Variants in GALNT13 observed in about 807,000 individuals in gnomAD.
The protein encoded by GALNT13 is polypeptide N-acetylgalactosaminyltransferase 13, also known as UDP-GalNAc:polypeptide N-acetylgalactosaminyltransferase 13.
A neutral mutation model predicts 64.2 loss-of-function variants in GALNT13; 28 were observed. That is an observed-to-expected ratio of 0.44 (90% CI 0.32 to 0.60). GALNT13 has a LOEUF of 0.60. Among genes scored for constraint, GALNT13 ranks in the 20% least tolerant of loss-of-function variants. The probability of loss-of-function intolerance (pLI) is 0.05; values close to 1 mark genes in which losing one functional copy is unlikely to be tolerated. For synonymous variants in GALNT13, 214 were observed against 224.6 expected (o/e 0.95, Z 0.42); for missense variants, 577 against 669.8 (o/e 0.86, Z 1.53).
the GALNT13 span, among the ~76,000 whole-genome samples, chr2:153,514,895 C>A: frequency 6.6e-6 from 1 of 152,134 alleles, no homozygotes; most frequent in Non-Finnish European, 1.5e-5. Context: ...GTGGGAAGAG[C>A]ATACAGACAG....
chr2:153,894,410 AG>A (rs537164781), intron 1 of GALNT13, among the ~76,000 whole-genome samples: 124 of 152,214 alleles, frequency 8.1e-4, no homozygotes, highest in Non-Finnish European at 1.2e-3. Flanking sequence ...AAGTACAGAG[AG>A]GTTATGTTTA....
the GALNT13 span, among the ~76,000 whole-genome samples, chr2:153,189,970 T>G: frequency 6.6e-6 from 1 of 152,142 alleles, no homozygotes; most frequent in Non-Finnish European, 1.5e-5. Flanking sequence ...TGTTGTCTGA[T>G]TTCTTTTATA....
intron 11 of GALNT13, among the ~76,000 whole-genome samples, chr2:154,424,372 CA>C (rs754480234): frequency 6.6e-6 from 1 of 151,642 alleles, no homozygotes. Context: ...TCCTAATTTG[CA>C]AAAAAAGAAT....
chr2:154,059,814 C>T (rs1334240669), intron 3 of GALNT13, among the ~76,000 whole-genome samples: 3 of 152,006 alleles, frequency 2.0e-5, no homozygotes, highest in Non-Finnish European at 4.4e-5. Context: ...AGAGATGACA[C>T]ACTCAAAAAG....
At chr2:153,765,336 C>T in the GALNT13 span, among the ~76,000 whole-genome samples, 12 of 152,246 alleles carry the variant, frequency 7.9e-5, no homozygotes, top group Middle Eastern at 6.8e-3. Flanking sequence ...CTTGCACCAG[C>T]GTGACCTGGA....
chr2:153,397,496 G>A, the GALNT13 span, among the ~76,000 whole-genome samples: 1 of 152,116 alleles, frequency 6.6e-6, no homozygotes, highest in Non-Finnish European at 1.5e-5. Context: ...TTTTCAGAGT[G>A]TGGGGAAAGT....
chr2:154,050,804 A>AAATC (rs749621188), intron 3 of GALNT13, among the ~76,000 whole-genome samples: 1 of 152,214 alleles, frequency 6.6e-6, no homozygotes, highest in Non-Finnish European at 1.5e-5. Flanking sequence ...ACCATCTTCA[A>AAATC]AATCAATCAA....
At chr2:153,676,950 T>G in the GALNT13 span, among the ~76,000 whole-genome samples, 1 of 151,834 alleles carries the variant, frequency 6.6e-6, no homozygotes, top group Admixed American at 6.6e-5. Context: ...CCAGAGACAT[T>G]TTGCTGGAGC....
intron 3 of GALNT13, among the ~76,000 whole-genome samples, chr2:154,086,698 G>C (rs1031161253): frequency 2.0e-5 from 3 of 151,890 alleles, no homozygotes; most frequent in Non-Finnish European, 2.9e-5. Flanking sequence ...AAATTACAAC[G>C]TGGTAACTAA....
chr2:154,246,075 G>T (rs962821394), intron 7 of GALNT13, 93 bp downstream of exon 7: 5 of 796,628 alleles, frequency 6.3e-6, no homozygotes, highest in African/African-American at 3.5e-5. Context: ...TTATTTAATT[G>T]TATCCTTATT....
the GALNT13 span, among the ~76,000 whole-genome samples, chr2:153,199,547 C>G: frequency 2.0e-5 from 3 of 152,310 alleles, no homozygotes; most frequent in African/African-American, 7.2e-5. Flanking sequence ...TAAAACTGTT[C>G]TTCTTGCTCT....
chr2:153,766,541 C>T, the GALNT13 span, among the ~76,000 whole-genome samples: 1 of 152,012 alleles, frequency 6.6e-6, no homozygotes, highest in Admixed American at 6.6e-5. Flanking sequence ...CACAGACTTC[C>T]TTCATTCTTA....
chr2:153,709,221 C>A, the GALNT13 span, among the ~76,000 whole-genome samples: 1 of 151,812 alleles, frequency 6.6e-6, no homozygotes, highest in Admixed American at 6.6e-5. Context: ...TATTTTCTAA[C>A]CACTTACAAC....
chr2:153,937,615 C>G (rs536437515), intron 2 of GALNT13, among the ~76,000 whole-genome samples: 2 of 152,084 alleles, frequency 1.3e-5, no homozygotes, highest in Non-Finnish European at 2.9e-5. Context: ...AGTGAATTAT[C>G]AGATATATGA....
At chr2:154,170,443 G>A (rs771370973) in intron 4 of GALNT13, among the ~76,000 whole-genome samples, 2 of 152,108 alleles carry the variant, frequency 1.3e-5, no homozygotes, top group African/African-American at 2.4e-5. Context: ...TGCTATCCAC[G>A]TTGTTTACAG....
chr2:153,408,077 G>T, the GALNT13 span, among the ~76,000 whole-genome samples: 1 of 152,132 alleles, frequency 6.6e-6, no homozygotes, highest in African/African-American at 2.4e-5. Context: ...ATTTCCCTTC[G>T]CTCCTAATGA....
chr2:153,250,998 C>G, the GALNT13 span, among the ~76,000 whole-genome samples: 2 of 152,194 alleles, frequency 1.3e-5, no homozygotes, highest in Admixed American at 6.5e-5. Context: ...ACCTCTGTAA[C>G]AAACCTGCAC....
At chr2:153,528,586 C>T in the GALNT13 span, among the ~76,000 whole-genome samples, 3 of 151,992 alleles carry the variant, frequency 2.0e-5, no homozygotes, top group Non-Finnish European at 4.4e-5. Flanking sequence ...TAGATATTTA[C>T]AGAACATTTC....
chr2:153,347,184 A>G, the GALNT13 span, among the ~76,000 whole-genome samples: 1 of 152,192 alleles, frequency 6.6e-6, no homozygotes, highest in African/African-American at 2.4e-5. Flanking sequence ...TAAAAGCCCA[A>G]CCTGGCCTTA....
Sources: allele counts gnomAD v4.1 joint callset (sites outside exome capture counted in the v4.1 genomes callset), GRCh38; gene constraint gnomAD v4.1.1; transcripts MANE v1.5; gene names NCBI Gene and HGNC (gene_info 2026-07-23, HGNC 2026-07-21).